Variants in SYNDIG1L observed in about 807,000 individuals in gnomAD.
The protein encoded by SYNDIG1L is synapse differentiation-inducing gene protein 1-like.
Under a neutral mutation model 20.1 loss-of-function variants are expected in SYNDIG1L, and 13 were observed. That is an observed-to-expected ratio of 0.65 (90% CI 0.42 to 1.03). The LOEUF (loss-of-function observed/expected upper bound fraction) is 1.03, where lower values mean the gene tolerates loss of function less well. SYNDIG1L is among the 50% of genes least tolerant of loss of function. SYNDIG1L has a pLI of 0.00. For missense variants in SYNDIG1L, 294 were observed against 305.1 expected, an observed-to-expected ratio of 0.96 and a Z score of 0.27; for synonymous variants, 128 against 129.3, an observed-to-expected ratio of 0.99 and a Z score of 0.07.
chr14:74,471,653 C>T, the SYNDIG1L span, among the ~76,000 whole-genome samples: 3 of 151,858 alleles, frequency 2.0e-5, no homozygotes, highest in South Asian at 2.1e-4. Flanking sequence ...ATTTACAGAC[C>T]GAACTAAGAG....
At chr14:74,417,850 A>G (rs189364080) in intron 1 of SYNDIG1L, among the ~76,000 whole-genome samples, 22 of 152,328 alleles carry the variant, frequency 1.4e-4, no homozygotes, top group Non-Finnish European at 2.1e-4. Flanking sequence ...GAGCGTTAAA[A>G]AAAGATTAAG....
chr14:74,438,574 C>T, the SYNDIG1L span, among the ~76,000 whole-genome samples: 1 of 152,150 alleles, frequency 6.6e-6, no homozygotes, highest in African/African-American at 2.4e-5. Context: ...AGCTACAGAT[C>T]CTGGAAGCCT....
At chr14:74,447,284 T>G in the SYNDIG1L span, among the ~76,000 whole-genome samples, 1 of 152,138 alleles carries the variant, frequency 6.6e-6, no homozygotes, top group Admixed American at 6.5e-5. Context: ...GATTGGAAAC[T>G]TACATGTTTC....
the SYNDIG1L span, among the ~76,000 whole-genome samples, chr14:74,449,866 AAAT>A: frequency 6.6e-6 from 1 of 152,138 alleles, no homozygotes; most frequent in Admixed American, 6.5e-5. Context: ...AGAAGAAAGG[AAAT>A]AATAAAAGTC....
the SYNDIG1L span, among the ~76,000 whole-genome samples, chr14:74,451,846 T>C: frequency 1.6e-4 from 25 of 151,652 alleles, no homozygotes; most frequent in African/African-American, 6.1e-4. Context: ...AAAAATTAGC[T>C]GGGTGTGGTG....
chr14:74,476,559 T>A, the SYNDIG1L span: 5 of 1,535,596 alleles, frequency 3.3e-6, no homozygotes, highest in Non-Finnish European at 4.4e-6. Flanking sequence ...GTGGCTAGCA[T>A]TGGGCAGTGA....
the SYNDIG1L span, among the ~76,000 whole-genome samples, chr14:74,453,068 C>T: frequency 1.3e-5 from 2 of 151,960 alleles, no homozygotes; most frequent in Non-Finnish European, 2.9e-5. Context: ...AGTTGTTGGC[C>T]AGGTGCAGTG....
At chr14:74,476,285 A>C in the SYNDIG1L span, 35 of 610,830 alleles carry the variant, frequency 5.7e-5, no homozygotes, top group South Asian at 3.1e-4. Flanking sequence ...CACACCCAGC[A>C]GCTCTGCCAT....
the SYNDIG1L span, among the ~76,000 whole-genome samples, chr14:74,455,955 G>A: frequency 3.9e-5 from 6 of 152,224 alleles, no homozygotes; most frequent in African/African-American, 7.2e-5. Context: ...CCAGCCCCAC[G>A]AAGCAAACAA....
upstream of SYNDIG1L, among the ~76,000 whole-genome samples, chr14:74,428,917 C>A (rs375654392): frequency 6.6e-6 from 1 of 152,288 alleles, no homozygotes; most frequent in East Asian, 1.9e-4. Flanking sequence ...ACACTGGGGG[C>A]TCCTGCTGCT....
At chr14:74,469,698 C>T in the SYNDIG1L span, among the ~76,000 whole-genome samples, 1 of 152,164 alleles carries the variant, frequency 6.6e-6, no homozygotes, top group African/African-American at 2.4e-5. Flanking sequence ...TCAGGGGCTA[C>T]TTATGCTCAC....
chr14:74,471,933 T>C, the SYNDIG1L span: 3 of 152,352 alleles, frequency 2.0e-5, no homozygotes, highest in South Asian at 2.1e-4. Context: ...AGATGAATTT[T>C]TGTAATCATA....
chr14:74,437,548 A>G, the SYNDIG1L span, among the ~76,000 whole-genome samples: 1 of 152,216 alleles, frequency 6.6e-6, no homozygotes, highest in African/African-American at 2.4e-5. Flanking sequence ...GTATTTGCAG[A>G]TTAGAATGGC....
At chr14:74,412,324 C>T (rs554832459) in intron 1 of SYNDIG1L, among the ~76,000 whole-genome samples, 2 of 152,340 alleles carry the variant, frequency 1.3e-5, no homozygotes, top group South Asian at 2.1e-4. Context: ...TCTCCCTTCT[C>T]CCAGTGGATG....
At chr14:74,476,704 G>C in the SYNDIG1L span, 1 of 741,496 alleles carries the variant, frequency 1.3e-6, no homozygotes, top group Non-Finnish European at 2.2e-6. Context: ...CACCTATGCA[G>C]GCCATCTCCT....
At chr14:74,441,071 G>A in the SYNDIG1L span, among the ~76,000 whole-genome samples, 27 of 152,272 alleles carry the variant, frequency 1.8e-4, no homozygotes, top group African/African-American at 5.5e-4. Context: ...CATGCCTGCC[G>A]GGGACAAAGA....
the SYNDIG1L span, among the ~76,000 whole-genome samples, chr14:74,431,464 G>T: frequency 2.0e-5 from 3 of 152,124 alleles, no homozygotes; most frequent in Non-Finnish European, 2.9e-5. Context: ...ACATGAAAAA[G>T]AGTCCATTTT....
At chr14:74,477,811 G>A in the SYNDIG1L span, among the ~76,000 whole-genome samples, 3 of 152,160 alleles carry the variant, frequency 2.0e-5, no homozygotes, top group Non-Finnish European at 4.4e-5. Context: ...CTGCTCCGTG[G>A]ACTAGAAAAG....
the SYNDIG1L span, chr14:74,474,835 G>C: frequency 1.3e-5 from 2 of 152,208 alleles, no homozygotes; most frequent in Non-Finnish European, 2.9e-5. Context: ...AGACAAGGCT[G>C]CTATAGGGTT....
Sources: allele counts gnomAD v4.1 joint callset (sites outside exome capture counted in the v4.1 genomes callset), GRCh38; gene constraint gnomAD v4.1.1; transcripts MANE v1.5; gene names NCBI Gene and HGNC (gene_info 2026-07-23, HGNC 2026-07-21).